Variants in DMXL1 observed in about 807,000 individuals in gnomAD.
DMXL1 encodes Dmx like 1.
A neutral mutation model predicts 319.2 loss-of-function variants in DMXL1; 99 were observed. That is an observed-to-expected ratio of 0.31 (90% CI 0.26 to 0.37). DMXL1 has a LOEUF of 0.37. Among genes scored for constraint, DMXL1 ranks in the 10% least tolerant of loss-of-function variants. DMXL1 has a pLI of 1.00. For missense variants in DMXL1, 3,745 were observed against 3,595.6 expected (o/e 1.04, Z -1.06); for synonymous variants, 1,385 against 1,235.2 (o/e 1.12, Z -2.54).
At position 119,101,566 on chromosome 5, in the gene DMXL1, G is replaced by A. The variant is rs146311569; in HGVS notation, c.214-369G>A. Among the ~76,000 whole-genome samples, 988 of 152,322 alleles carry A rather than the reference G, an allele frequency of 6.5e-3. 5 individuals carry two copies. The highest frequency in any genetic ancestry group is 0.015 in the South Asian group (73 of 4,824). ...AAAGTTAATGTACACTGACAGAATT[G>A]TCAATTTAGAGGATGGATGACGACA... On this transcript the variant is annotated intron_variant, in intron 2 of 43. Transcript: ENST00000539542.
At chr5:119,201,326 A>G (rs887356262) in intron 32 of DMXL1, among the ~76,000 whole-genome samples, 4 of 152,136 alleles carry the variant, frequency 2.6e-5, no homozygotes, top group Admixed American at 1.3e-4. Context: ...TGATATAATT[A>G]TGTGGTTTTT....
At position 119,170,314 on chromosome 5, in the gene DMXL1, A is replaced by T; in HGVS notation, c.5523A>T (p.Thr1841=). ...CATTTTCCACACATATGAGCCTAAC[A>T]GGAAAAAGTGGACTGGCAGGAACAA... ...SDTFSTHMSL[T]GKSGLAGTIN... Residue 1841 remains threonine, a synonymous_variant, in exon 24 of 44, where the codon ACA becomes ACT. Transcript: ENST00000539542. 1 of 1,614,028 alleles carries T rather than the reference A, an allele frequency of 6.2e-7. No homozygotes were observed. The highest frequency in any genetic ancestry group is 8.5e-7 in the Non-Finnish European group (1 of 1,179,972).
chr5:119,233,869 C>G (rs1787226400), intron 39 of DMXL1, among the ~76,000 whole-genome samples: 1 of 152,068 alleles, frequency 6.6e-6, no homozygotes, highest in Non-Finnish European at 1.5e-5. Flanking sequence ...GCATTTTAAC[C>G]CGATATTGTT....
Position 119,121,002 on chromosome 5 carries a change from G to A in DMXL1, c.965G>A (p.Arg322Lys), listed in dbSNP as rs201639132. The change falls in exon 9 of 44, where the codon AGG becomes AAG. Residue 322 changes from arginine to lysine, a missense_variant. Physicochemically the swap from Arg to Lys is conservative, Grantham distance 26. Around this residue, in one of 4 missense-constraint regions of DMXL1, gnomAD observed 2,096 missense variants for 1,985.4 expected, o/e 1.06. Coordinates refer to ENST00000539542, the MANE Select transcript of DMXL1 (RefSeq NM_001290321.3). ...CTGAGACATTTTCGTAGAGGTCGGA[G>A]GAGATCACTTGCTCTTGTAGCACAT... is the stretch of plus-strand genomic sequence containing the variant. ...VNLRHFRRGR[R>K]RSLALVAHTG... 2.5e-5 allele frequency: 40 copies of A among 1,612,610 alleles called. No individual in the cohort carries two copies. In the African/African-American group the frequency reaches 4.1e-4, roughly 17 times the overall value.
chr5:119,122,703 C>T lies in DMXL1; in HGVS notation c.1102+1564C>T, dbSNP rs935250421. ...GCAGAGGCGCTCCTCACATCCCAGA[C>T]GGGGCGGCGGGGCAGAGACGCTCCT... On this transcript the variant is annotated intron_variant, in intron 9 of 43. Transcript: ENST00000539542. Among the ~76,000 whole-genome samples, 9 of 150,534 alleles carry T rather than the reference C, an allele frequency of 6.0e-5. 1 individual carries two copies. The highest frequency in any genetic ancestry group is 2.0e-4 in the Admixed American group (3 of 15,146).
At chr5:119,148,242 T>G (rs1276957864) in intron 17 of DMXL1, among the ~76,000 whole-genome samples, 1 of 152,116 alleles carries the variant, frequency 6.6e-6, no homozygotes, top group Non-Finnish European at 1.5e-5. Context: ...CATAGGCCAT[T>G]CACATTTATA....
At chr5:119,208,750 CA>C (rs1271592339) in intron 34 of DMXL1, among the ~76,000 whole-genome samples, 1 of 151,956 alleles carries the variant, frequency 6.6e-6, no homozygotes, top group Non-Finnish European at 1.5e-5. Context: ...TTAAAGTGTA[CA>C]ACTTGTTCAA....
intron 1 of DMXL1, among the ~76,000 whole-genome samples, chr5:119,088,103 T>G (rs944608217): frequency 6.6e-6 from 1 of 152,094 alleles, no homozygotes; most frequent in Non-Finnish European, 1.5e-5. Flanking sequence ...AGCCCAGCAG[T>G]GTTTGCTTTA....
intron 37 of DMXL1, among the ~76,000 whole-genome samples, chr5:119,222,038 C>T (rs546521973): frequency 1.3e-5 from 2 of 151,348 alleles, no homozygotes; most frequent in African/African-American, 4.9e-5. Context: ...GAATGCTTTC[C>T]TTGGCCAAAA....
chr5:119,128,126 T>G, intron 9 of DMXL1: 1 of 500,372 alleles, frequency 2.0e-6, no homozygotes, highest in South Asian at 1.5e-5. Flanking sequence ...TCAACTCTTG[T>G]GAGCAGCAAC....
chr5:119,150,679 C>T (rs1441163179), intron 18 of DMXL1, among the ~76,000 whole-genome samples: 3 of 151,798 alleles, frequency 2.0e-5, no homozygotes, highest in Non-Finnish European at 1.5e-5. Flanking sequence ...ATAGTCCTAG[C>T]TACTCAGGAG....
Position 119,088,522 on chromosome 5 carries a change from A to C in DMXL1, c.88-9457A>C, listed in dbSNP as rs143957245. Among the ~76,000 whole-genome samples, 165 of 152,314 alleles carry C rather than the reference A, an allele frequency of 1.1e-3. 1 individual carries two copies. In the Middle Eastern group the frequency reaches 0.02, roughly 19 times the overall value. On this transcript the variant is annotated intron_variant, in intron 1 of 43. Transcript: ENST00000539542. ...TATTATTGGTAAGTAAGGATTTACT[A>C]CTAGCGTTTTGTTGTTTTTCTGGTT...
Position 119,239,003 on chromosome 5 carries a change from T to C in DMXL1, c.8574T>C (p.His2858=). The C allele has an allele frequency of 6.2e-7, 1 of 1,613,846 alleles. No homozygotes were observed. Among genetic ancestry groups the C allele is most frequent in the South Asian group, 1.1e-5 (1 of 91,084 alleles). ...AACCATTCCAGACTTGGCAGTGTCATAACAAAACAGCCAATGATTTTGTCT... is the reference window on the plus strand; with the variant it reads ...AACCATTCCAGACTTGGCAGTGTCACAACAAAACAGCCAATGATTTTGTCT... ...MPKPYLTWQC[H]NKTANDFVFV... is the part of the protein sequence containing the mutation. Residue 2858 remains histidine (H), a synonymous_variant, in exon 41 of 44, where the codon CAT becomes CAC. Transcript: ENST00000539542.
intron 13 of DMXL1, among the ~76,000 whole-genome samples, chr5:119,134,854 C>T (rs1765649354): frequency 6.6e-6 from 1 of 152,198 alleles, no homozygotes; most frequent in Non-Finnish European, 1.5e-5. Context: ...TTCTCATACC[C>T]ACCTAATAAC....
At chr5:119,230,328 A>C (rs1376362492) in intron 38 of DMXL1, among the ~76,000 whole-genome samples, 1 of 152,216 alleles carries the variant, frequency 6.6e-6, no homozygotes, top group Admixed American at 6.5e-5. Context: ...CATCAGATGA[A>C]CTTGAAAAAC....
chr5:119,167,464 T>C, intron 22 of DMXL1, 139 bp from the exon 23 acceptor site: 1 of 697,540 alleles, frequency 1.4e-6, no homozygotes, highest in Non-Finnish European at 2.3e-6. Context: ...AAGCAGCATA[T>C]GTTTTGTTTC....
chr5:119,206,781 A>G (rs928911726), intron 33 of DMXL1, 53 bp from the exon 34 acceptor site: 2 of 1,080,074 alleles, frequency 1.9e-6, no homozygotes, highest in African/African-American at 1.6e-5. Context: ...AGTATTTTGC[A>G]TGTTACATCT....
At chr5:119,146,261 C>G (rs187479889) in intron 15 of DMXL1, among the ~76,000 whole-genome samples, 48 of 151,888 alleles carry the variant, frequency 3.2e-4, no homozygotes, top group African/African-American at 1.1e-3. Context: ...GGATTAAAAT[C>G]TATTGTTAAA....
Position 119,247,313 on chromosome 5 carries a change from A to G in DMXL1, c.*94A>G. On this transcript the variant is annotated 3_prime_UTR_variant, in exon 44 of 44. Coordinates refer to ENST00000539542, the MANE Select transcript of DMXL1 (RefSeq NM_001290321.3). ...TCATTCTCTATGCCACAAATTAGCT[A>G]ATGCTTTCTTGTTTTTATATTTATT... The G allele has an allele frequency of 1.2e-6, 1 of 856,980 alleles. No individual in the cohort carries two copies. The highest frequency in any genetic ancestry group is 1.8e-6 in the Non-Finnish European group (1 of 566,054). The allele number at this position is 856,980 out of a possible 1,614,324, so 53.1% of individuals were successfully genotyped here.
Sources: allele counts gnomAD v4.1 joint callset (sites outside exome capture counted in the v4.1 genomes callset), GRCh38; gene constraint gnomAD v4.1.1; regional missense constraint gnomAD v4.1.1; transcripts MANE v1.5; gene names NCBI Gene and HGNC (gene_info 2026-07-23, HGNC 2026-07-21).